Variants in ZNF827 observed in about 807,000 individuals in gnomAD.
ZNF827 encodes zinc finger protein 827.
ZNF827 carries 13 observed loss-of-function variants against 102.4 expected under a neutral mutation model. The ratio of observed to expected loss-of-function variants is 0.13; its 90% CI spans 0.08 to 0.20. ZNF827 has a LOEUF of 0.20. Among genes scored for constraint, ZNF827 ranks in the 10% least tolerant of loss-of-function variants. The pLI is 1.00. For synonymous variants in ZNF827, 523 were observed against 536.2 expected (o/e 0.98, Z 0.34); for missense variants, 1,103 against 1,344.4 (o/e 0.82, Z 2.81).
chr4:145,867,178 T>C (rs776946820), intron 5 of ZNF827, among the ~76,000 whole-genome samples: 1 of 152,226 alleles, frequency 6.6e-6, no homozygotes, highest in Non-Finnish European at 1.5e-5. Flanking sequence ...GCTTTCTTTA[T>C]GGCAATCAAT....
At chr4:145,773,328 G>A (rs1312558326) in intron 11 of ZNF827, among the ~76,000 whole-genome samples, 2 of 152,170 alleles carry the variant, frequency 1.3e-5, no homozygotes. Flanking sequence ...CCAAGTCATA[G>A]CTGCTCAATT....
chr4:145,770,637 T>C (rs1413020142), intron 11 of ZNF827, among the ~76,000 whole-genome samples: 1 of 152,086 alleles, frequency 6.6e-6, no homozygotes. Context: ...TATTTTCCCA[T>C]GCTATTTTAG....
rs1294081867 is a variant in ZNF827, at chr4:145,761,035, G to A, written c.*581C>T. 4.7e-6 allele frequency: 6 copies of A among 1,284,482 alleles called. No homozygotes were observed. The highest frequency in any genetic ancestry group is 3.7e-5 in the South Asian group (3 of 80,728). 79.6% of individuals were successfully genotyped at this position (1,284,482 alleles called of 1,614,324 possible). ...CTCTGAGCTGCTGCCGTGGGCTGCC[G>A]ACAGGGCCACGGTCTGCAGAGCCTG... On this transcript the variant is annotated 3_prime_UTR_variant, in exon 15 of 15. Transcript: ENST00000508784. This position sits in a 1 kb window ranked among gnomAD's most constrained non-coding sequence, Gnocchi z 6.8.
intron 9 of ZNF827, among the ~76,000 whole-genome samples, chr4:145,776,962 CT>C (rs1737206344): frequency 6.6e-6 from 1 of 152,160 alleles, no homozygotes; most frequent in African/African-American, 2.4e-5. Flanking sequence ...GCAGGCTTTG[CT>C]TTCATCACAC....
intron 4 of ZNF827, among the ~76,000 whole-genome samples, chr4:145,881,197 T>C (rs149851515): frequency 6.6e-6 from 1 of 152,360 alleles, no homozygotes; most frequent in African/African-American, 2.4e-5. Flanking sequence ...GTGAACACCT[T>C]TGCTGTTTAA....
chr4:145,828,278 T>A (rs1164315623), intron 7 of ZNF827, among the ~76,000 whole-genome samples: 1 of 152,162 alleles, frequency 6.6e-6, no homozygotes, highest in Non-Finnish European at 1.5e-5. Flanking sequence ...TAGACTTCAG[T>A]CATTTTATTA....
intron 7 of ZNF827, among the ~76,000 whole-genome samples, chr4:145,827,652 T>G (rs986217974): frequency 8.5e-5 from 13 of 152,242 alleles, no homozygotes; most frequent in African/African-American, 3.1e-4. Context: ...TATGGCTACA[T>G]ACACAACTGT....
rs886617931 is a variant in ZNF827 at position 145,757,939 on chromosome 4, A to G, written c.*3677T>C. ...TTTTCATTGAAGAATGCATAGTGACAACAATTGAAGTTAGTTGGTAGGTGA... is the reference window on the plus strand; with the variant it reads ...TTTTCATTGAAGAATGCATAGTGACGACAATTGAAGTTAGTTGGTAGGTGA... On this transcript the variant is annotated 3_prime_UTR_variant, in exon 15 of 15. Transcript: ENST00000508784. 1 of 152,204 alleles carries G rather than the reference A, an allele frequency of 6.6e-6. No homozygotes were observed. The highest frequency in any genetic ancestry group is 6.5e-5 in the Admixed American group (1 of 15,274). The allele number at this position is 152,204 out of a possible 1,614,324, so 9.4% of individuals were successfully genotyped here.
chr4:145,869,307 ACAGT>A (rs1414737933), intron 5 of ZNF827, among the ~76,000 whole-genome samples: 1 of 152,240 alleles, frequency 6.6e-6, no homozygotes, highest in African/African-American at 2.4e-5. Flanking sequence ...AACCAGAAAC[ACAGT>A]CAGAACTGCT....
At chr4:145,904,466 G>A (rs1751670337) in intron 1 of ZNF827, among the ~76,000 whole-genome samples, 1 of 152,224 alleles carries the variant, frequency 6.6e-6, no homozygotes, top group African/African-American at 2.4e-5. Flanking sequence ...ATTTTAAACA[G>A]GTGGTCAAGG....
chr4:145,861,298 A>G (rs761340950), intron 5 of ZNF827, among the ~76,000 whole-genome samples: 21 of 152,218 alleles, frequency 1.4e-4, no homozygotes, highest in Non-Finnish European at 2.2e-4. Context: ...TCACAAGACT[A>G]TAACTGTATT....
intron 4 of ZNF827, among the ~76,000 whole-genome samples, chr4:145,872,708 C>A (rs1328756842): frequency 6.6e-6 from 1 of 151,810 alleles, no homozygotes; most frequent in Admixed American, 6.6e-5. Context: ...GAAACCCCAT[C>A]TCTACTAAAA....
intron 8 of ZNF827, among the ~76,000 whole-genome samples, chr4:145,783,737 G>A (rs1738447182): frequency 6.6e-6 from 1 of 152,198 alleles, no homozygotes. Context: ...AGAAATGGCT[G>A]GGACTCTGGC....
intron 7 of ZNF827, among the ~76,000 whole-genome samples, chr4:145,828,911 C>T (rs1743930164): frequency 6.6e-6 from 1 of 152,146 alleles, no homozygotes; most frequent in African/African-American, 2.4e-5. Context: ...GTATTTCCAC[C>T]TTTAACACCT....
chr4:145,938,345 G>T lies in ZNF827; in HGVS notation c.43+20C>A. On this transcript the variant is annotated intron_variant, in intron 1 of 14. Coordinates refer to ENST00000508784, the MANE Select transcript of ZNF827 (RefSeq NM_001306215.2). ...GGGCGAGAAAATGGCACGAGAGGAG[G>T]TGGAGAAGGGATGACTTACGTGAGG... 6.2e-7 allele frequency: 1 copy of T among 1,613,766 alleles called. No individual in the cohort carries two copies. Among genetic ancestry groups the T allele is most frequent in the Non-Finnish European group, 8.5e-7 (1 of 1,179,948 alleles).
intron 6 of ZNF827, 30 bp from the exon 7 acceptor site, chr4:145,846,043 T>G: frequency 6.2e-7 from 1 of 1,610,558 alleles, no homozygotes. Flanking sequence ...AACATACACC[T>G]CTTAGGTTGT....
Position 145,885,864 on chromosome 4 carries a change from G to T in ZNF827, c.1561C>A (p.Leu521Met), listed in dbSNP as rs1485105162. The T allele has an allele frequency of 6.2e-7, 1 of 1,614,234 alleles. No homozygotes were observed. Residue 521 changes from leucine (L) to methionine (M), a missense_variant, in exon 4 of 15, where the codon CTG becomes ATG. Leu to Met is a conservative substitution (Grantham distance 15). Coordinates refer to ENST00000508784, the MANE Select transcript of ZNF827 (RefSeq NM_001306215.2). ...SQGGAGVSPL[L>M]VKEEPKEDNG... The stretch of plus-strand genomic sequence containing the variant: ...TCTTCCTTGGGTTCCTCCTTCACCA[G>T]CAAAGGCGAGACGCCAGCCCCTCCC...
chr4:145,892,225 A>G lies in ZNF827; in HGVS notation c.1266+18T>C, dbSNP rs1750661139. 1.3e-6 allele frequency: 2 copies of G among 1,592,190 alleles called. No individual in the cohort carries two copies. Among genetic ancestry groups the G allele is most frequent in the Non-Finnish European group, 1.7e-6 (2 of 1,165,298 alleles). Reference sequence around the variant, plus strand: ...CTGTGCCTGCCTCTCCAGGAGGTGCAGTCGGTAGGTGGCTTACCTTCATGT... The same window carrying G: ...CTGTGCCTGCCTCTCCAGGAGGTGCGGTCGGTAGGTGGCTTACCTTCATGT... On this transcript the variant is annotated intron_variant, in intron 3 of 14. Transcript: ENST00000508784.
At chr4:145,855,726 G>A (rs1001854369) in intron 5 of ZNF827, among the ~76,000 whole-genome samples, 6 of 152,218 alleles carry the variant, frequency 3.9e-5, no homozygotes, top group Admixed American at 2.0e-4. Context: ...TTATTCCACA[G>A]AAGTCTGAAA....
Sources: gnomAD v4.1 joint callset for allele counts (sites outside exome capture counted in the v4.1 genomes callset) on GRCh38, gnomAD v4.1.1 for gene constraint, Gnocchi (gnomAD v3.1) non-coding constraint, MANE v1.5 for transcripts, NCBI Gene and HGNC (gene_info 2026-07-23, HGNC 2026-07-21) for gene names.